Variants in SPMIP3 observed in about 807,000 individuals in gnomAD.
SPMIP3 encodes protein SPMIP3.
chr1:244,369,138 G>A, the SPMIP3 span, among the ~76,000 whole-genome samples: 19 of 151,884 alleles, frequency 1.3e-4, no homozygotes, highest in African/African-American at 1.9e-4. Flanking sequence ...CCAGCCTGGC[G>A]ACAGAGCCAG....
chr1:244,357,842 C>A, the SPMIP3 span, among the ~76,000 whole-genome samples: 1 of 152,066 alleles, frequency 6.6e-6, no homozygotes. Flanking sequence ...CTTTGGGAAG[C>A]CGAGGTGGGA....
At chr1:244,376,145 A>T in the SPMIP3 span, among the ~76,000 whole-genome samples, 9 of 152,176 alleles carry the variant, frequency 5.9e-5, no homozygotes, top group Admixed American at 5.9e-4. Flanking sequence ...TCCACAACAG[A>T]GCACCTTCCC....
chr1:244,375,538 G>A, the SPMIP3 span: 5 of 1,239,428 alleles, frequency 4.0e-6, no homozygotes, highest in African/African-American at 3.0e-5. Context: ...GGGTCGGCGG[G>A]GGGAAGATAC....
At chr1:244,353,845 C>A in the SPMIP3 span, among the ~76,000 whole-genome samples, 1 of 152,144 alleles carries the variant, frequency 6.6e-6, no homozygotes, top group Non-Finnish European at 1.5e-5. Context: ...TAACTCATTG[C>A]TGCGAGCCCT....
the SPMIP3 span, among the ~76,000 whole-genome samples, chr1:244,373,053 AG>A: frequency 6.6e-6 from 1 of 151,888 alleles, no homozygotes; most frequent in Non-Finnish European, 1.5e-5. Context: ...TCACTTCCTA[AG>A]CAGTCTTTCT....
At chr1:244,366,776 A>G in the SPMIP3 span, among the ~76,000 whole-genome samples, 1 of 152,176 alleles carries the variant, frequency 6.6e-6, no homozygotes, top group African/African-American at 2.4e-5. Flanking sequence ...GCTACTCGGG[A>G]AGCTGAGGCA....
chr1:244,387,042 A>G, the SPMIP3 span, among the ~76,000 whole-genome samples: 3 of 152,322 alleles, frequency 2.0e-5, no homozygotes, highest in South Asian at 2.1e-4. Context: ...AGTGGCTCAC[A>G]CCTGTAATCC....
chr1:244,379,264 G>A, the SPMIP3 span, among the ~76,000 whole-genome samples: 7 of 147,812 alleles, frequency 4.7e-5, no homozygotes, highest in African/African-American at 7.6e-5. Flanking sequence ...ACATGGTCTC[G>A]CTATGTTGCC....
At chr1:244,362,622 G>A in the SPMIP3 span, among the ~76,000 whole-genome samples, 3 of 152,066 alleles carry the variant, frequency 2.0e-5, no homozygotes, top group Admixed American at 6.6e-5. Context: ...TGTAATCAAT[G>A]TGGAGAGTGG....
chr1:244,366,650 C>G, the SPMIP3 span, among the ~76,000 whole-genome samples: 1 of 152,044 alleles, frequency 6.6e-6, no homozygotes, highest in Non-Finnish European at 1.5e-5. Flanking sequence ...GAGGCCAAGG[C>G]GGGTGGATCA....
the SPMIP3 span, among the ~76,000 whole-genome samples, chr1:244,359,838 C>G: frequency 6.6e-6 from 1 of 151,898 alleles, no homozygotes; most frequent in African/African-American, 2.4e-5. Flanking sequence ...TGGCCCGGGG[C>G]GGTGGCTCAC....
the SPMIP3 span, among the ~76,000 whole-genome samples, chr1:244,379,590 G>A: frequency 2.0e-5 from 3 of 152,218 alleles, no homozygotes; most frequent in African/African-American, 4.8e-5. Context: ...TCTTATTCCC[G>A]ATTTCAAACT....
chr1:244,355,441 G>C, the SPMIP3 span, among the ~76,000 whole-genome samples: 2 of 152,292 alleles, frequency 1.3e-5, no homozygotes, highest in Non-Finnish European at 2.9e-5. Context: ...AGGCTGGAGT[G>C]TAGTGGTGTG....
chr1:244,379,846 TA>T, the SPMIP3 span, among the ~76,000 whole-genome samples: 1 of 151,832 alleles, frequency 6.6e-6, no homozygotes, highest in Non-Finnish European at 1.5e-5. Flanking sequence ...TGCATGCCTG[TA>T]ATTCCAGCTA....
At chr1:244,361,235 C>CTTTTTTTTTTTTTTTTTTTT in the SPMIP3 span, among the ~76,000 whole-genome samples, 1 of 119,314 alleles carries the variant, frequency 8.4e-6, no homozygotes, top group Non-Finnish European at 1.7e-5. Flanking sequence ...TTCTTTCTTT[C>CTTTTTTTTTTTTTTTTTTTT]TTTTTTTTTT....
the SPMIP3 span, among the ~76,000 whole-genome samples, chr1:244,376,817 CTT>C: frequency 6.8e-6 from 1 of 146,394 alleles, no homozygotes. Flanking sequence ...CAGCATCCCC[CTT>C]TTTTTTTTTA....
At chr1:244,371,155 G>T in the SPMIP3 span, among the ~76,000 whole-genome samples, 5 of 152,282 alleles carry the variant, frequency 3.3e-5, no homozygotes, top group Non-Finnish European at 7.4e-5. Context: ...GAACAGGTTT[G>T]CTCTCATGTG....
At chr1:244,375,056 C>A in the SPMIP3 span, 32 of 169,316 alleles carry the variant, frequency 1.9e-4, no homozygotes, top group African/African-American at 7.6e-4. Context: ...TTTTTCCTAA[C>A]GTTTTGAACC....
the SPMIP3 span, chr1:244,364,880 G>C: frequency 9.5e-7 from 1 of 1,049,134 alleles, no homozygotes; most frequent in East Asian, 2.4e-5. Flanking sequence ...TTCTAGGGAA[G>C]CTCTTTGGAT....
Sources: allele counts gnomAD v4.1 joint callset (sites outside exome capture counted in the v4.1 genomes callset), GRCh38; gene constraint gnomAD v4.1.1; transcripts MANE v1.5; gene names NCBI Gene and HGNC (gene_info 2026-07-23, HGNC 2026-07-21).